The following TBX21 variants were observed in gnomAD, a reference collection of about 807,000 sequenced individuals.
TBX21 encodes T-box transcription factor TBX21.
Under a neutral mutation model 52.2 loss-of-function variants are expected in TBX21, and 11 were observed. The observed-to-expected ratio is 0.21, with a 90% CI of 0.13 to 0.35. The LOEUF is 0.35. TBX21 is among the 10% of genes least tolerant of loss of function. The pLI, the probability that TBX21 is intolerant of heterozygous loss-of-function variation, is 1.00. For synonymous variants in TBX21, 300 were observed against 316.1 expected (o/e 0.95, Z 0.54); for missense variants, 625 against 755.1 (o/e 0.83, Z 2.02).
intron 3 of TBX21, among the ~76,000 whole-genome samples, chr17:47,743,879 C>CA (rs772309900): frequency 0.073 from 4,471 of 61,574 alleles, 110 homozygotes; most frequent in Admixed American, 0.16. Context: ...GACTCCGTCT[C>CA]AAAAAAAAAA....
intron 1 of TBX21, among the ~76,000 whole-genome samples, chr17:47,738,975 C>T (rs568959546): frequency 6.6e-6 from 1 of 152,298 alleles, no homozygotes; most frequent in Admixed American, 6.5e-5. Flanking sequence ...TTAATTTGCA[C>T]TTAATTACAG....
rs1297045032 is a variant in TBX21 at position 47,745,073 on chromosome 17, C to T, written c.1315C>T (p.Pro439Ser). The T allele has an allele frequency of 1.2e-6, 2 of 1,613,474 alleles. No individual in the cohort carries two copies. The highest frequency in any genetic ancestry group is 1.7e-5 in the Admixed American group (1 of 60,034). Residue 439 changes from proline to serine, a missense_variant, in exon 6 of 6, where the codon CCT (proline) becomes TCT (serine). Coordinates refer to ENST00000177694, the MANE Select transcript of TBX21 (RefSeq NM_013351.2). The stretch of plus-strand genomic sequence containing the variant: ...TGGCTGGCCTGTGGCACCCCAGTAC[C>T]CTCCCAAGATGGGCCCGGCCAGCTG... ...GAGWPVAPQY[P>S]PKMGPASWFR...
intron 1 of TBX21, among the ~76,000 whole-genome samples, chr17:47,738,655 C>T (rs2032234781): frequency 1.3e-5 from 2 of 151,546 alleles, no homozygotes; most frequent in South Asian, 4.2e-4. Context: ...GGCTGAAGTG[C>T]AGTGGCATGA....
chr17:47,735,018 C>T (rs886896314), intron 1 of TBX21, among the ~76,000 whole-genome samples: 17 of 151,972 alleles, frequency 1.1e-4, no homozygotes, highest in Non-Finnish European at 2.2e-4. Flanking sequence ...GTGGGCTGTG[C>T]GCACCCACCC....
In TBX21 at chr17:47,733,470, C is replaced by T; in HGVS notation, c.16C>T (p.Pro6Ser). 1 of 1,489,476 alleles carries T rather than the reference C, an allele frequency of 6.7e-7. No homozygotes were observed. The allele number at this position is 1,489,476 out of a possible 1,614,324, so 92.3% of individuals were successfully genotyped here. A position where few individuals can be genotyped will look rare whatever the true frequency, so the allele number is the denominator to read the frequency against. ...CCCGCCCCGGATGGGCATCGTGGAGCCGGGTTGCGGAGACATGCTGACGGG... is the reference window on the plus strand; with the variant it reads ...CCCGCCCCGGATGGGCATCGTGGAGTCGGGTTGCGGAGACATGCTGACGGG... MGIVEPGCGDMLTGTE... is the reference protein window; with the variant it reads MGIVESGCGDMLTGTE... The change falls in exon 1 of 6, where the codon CCG becomes TCG. Residue 6 changes from proline to serine, a missense_variant. Physicochemically the swap from Pro to Ser is moderately conservative, Grantham distance 74. Coordinates refer to ENST00000177694, the MANE Select transcript of TBX21 (RefSeq NM_013351.2). The surrounding 1 kb of genome is among the most constrained non-coding windows in gnomAD (Gnocchi z 6.6).
At chr17:47,744,438 C>T (rs780751276) in intron 4 of TBX21, 44 bp from the exon 5 acceptor site, 1 of 1,613,620 alleles carries the variant, frequency 6.2e-7, no homozygotes, top group Admixed American at 1.7e-5. Context: ...AGTTCCCGAG[C>T]CCCAGACTCA....
Position 47,738,810 on chromosome 17 carries a change from A to G in TBX21, c.492-3800A>G, listed in dbSNP as rs544546358. Among the ~76,000 whole-genome samples the G allele has an allele frequency of 1.3e-3, 205 of 152,250 alleles. 2 individuals are homozygous for G. Among genetic ancestry groups the G allele is most frequent in the African/African-American group, 4.7e-3 (194 of 41,542 alleles). ...GAGATGGGGTTTCACCATGTTACCC[A>G]GGCTGGTCTCAAACTCCTGACCTCA... On this transcript the variant is annotated intron_variant, in intron 1 of 5. Coordinates refer to ENST00000177694, the MANE Select transcript of TBX21 (RefSeq NM_013351.2).
chr17:47,745,420 G>A lies in TBX21; in HGVS notation c.*54G>A. 5.3e-6 allele frequency: 8 copies of A among 1,523,752 alleles called. No homozygotes were observed. Among genetic ancestry groups the A allele is most frequent in the South Asian group, 2.6e-5 (2 of 76,236 alleles). 94.4% of individuals were successfully genotyped at this position (1,523,752 alleles called of 1,614,324 possible). ...CAGTGTTATTAGGTTGGAGGACACC[G>A]ACTAATTTGGGAAACGGATGAAGGA... is the stretch of plus-strand genomic sequence containing the variant. On this transcript the variant is annotated 3_prime_UTR_variant, in exon 6 of 6. Transcript: ENST00000177694.
Position 47,733,403 on chromosome 17 carries a change from G to A in TBX21, c.-52G>A. 1.4e-6 allele frequency: 2 copies of A among 1,429,884 alleles called. No homozygotes were observed. Among genetic ancestry groups the A allele is most frequent in the Non-Finnish European group, 1.8e-6 (2 of 1,098,570 alleles). 88.6% of individuals were successfully genotyped at this position (1,429,884 alleles called of 1,614,324 possible). ...ATCCCAGCCCACGCGACCCTCTCGC[G>A]CGCGGAGGGGCGGGTCCTCGACGGC... On this transcript the variant is annotated 5_prime_UTR_variant, in exon 1 of 6. Coordinates refer to ENST00000177694, the MANE Select transcript of TBX21 (RefSeq NM_013351.2). This position sits in a 1 kb window ranked among gnomAD's most constrained non-coding sequence, Gnocchi z 6.6.
chr17:47,745,610 C>T lies in TBX21; in HGVS notation c.*244C>T. On this transcript the variant is annotated 3_prime_UTR_variant, in exon 6 of 6. Coordinates refer to ENST00000177694, the MANE Select transcript of TBX21 (RefSeq NM_013351.2). ...CTCTGCCCTAACTACAGTCGTTTACCTGGTGCTGCGTCTTGCTTTTGGTTT... is the reference window on the plus strand; with the variant it reads ...CTCTGCCCTAACTACAGTCGTTTACTTGGTGCTGCGTCTTGCTTTTGGTTT... The T allele has an allele frequency of 4.3e-6, 2 of 460,074 alleles. No individual in the cohort carries two copies. Among genetic ancestry groups the T allele is most frequent in the Non-Finnish European group, 7.5e-6 (2 of 266,204 alleles). The allele number at this position is 460,074 out of a possible 1,614,324, so 28.5% of individuals were successfully genotyped here.
chr17:47,743,889 A>AAAAAAAAG (rs1368502369), intron 3 of TBX21, among the ~76,000 whole-genome samples: 2 of 150,304 alleles, frequency 1.3e-5, no homozygotes, highest in Non-Finnish European at 3.0e-5. Flanking sequence ...CAAAAAAAAA[A>AAAAAAAAG]AAAAAAGAAA....
rs760592744 is a variant in TBX21 at position 47,744,276 on chromosome 17, T to A, written c.850T>A (p.Cys284Ser). The change falls in exon 4 of 6, where the codon TGC becomes AGC. Residue 284 changes from cysteine to serine, a missense_variant. This residue lies in a region of TBX21 where 142 missense variants were observed against 258.5 expected (regional missense o/e 0.55). Transcript: ENST00000177694. Reference sequence around the variant, plus strand: ...GAACGACGGAGAGCCAGAGGCAGCCTGCAACGCTTCCAACACGCATATCTT... The same window carrying A: ...GAACGACGGAGAGCCAGAGGCAGCCAGCAACGCTTCCAACACGCATATCTT... ...EVNDGEPEAA[C>S]NASNTHIFTF... 6.2e-7 allele frequency: 1 copy of A among 1,614,214 alleles called. No homozygotes were observed. Among genetic ancestry groups the A allele is most frequent in the South Asian group, 1.1e-5 (1 of 91,082 alleles).
chr17:47,743,172 G>A lies in TBX21; in HGVS notation c.748G>A (p.Ala250Thr), dbSNP rs1459576111. 6.2e-7 allele frequency: 1 copy of A among 1,614,186 alleles called. No homozygotes were observed. Among genetic ancestry groups the A allele is most frequent in the Admixed American group, 1.7e-5 (1 of 60,026 alleles). The change falls in exon 3 of 6, where the codon GCG becomes ACG. Residue 250 changes from alanine (A) to threonine (T), a missense_variant. This residue lies in a region of TBX21 where 142 missense variants were observed against 258.5 expected (regional missense o/e 0.55). Transcript: ENST00000177694. ...ACTAAAGCTCACAAACAACAAGGGG[G>A]CGTCCAACAATGTGACCCAGGTAGG... ...GKLKLTNNKGASNNVTQMIVL... is the reference protein window; with the variant it reads ...GKLKLTNNKGTSNNVTQMIVL...
At chr17:47,735,256 C>T (rs979983955) in intron 1 of TBX21, among the ~76,000 whole-genome samples, 8 of 152,122 alleles carry the variant, frequency 5.3e-5, no homozygotes, top group African/African-American at 1.9e-4. Flanking sequence ...TGTGGGGTAG[C>T]CTGGGACTGG....
rs150328272 is a variant in TBX21, at chr17:47,744,783, C to G, written c.1025C>G (p.Pro342Arg). 2 of 1,614,058 alleles carry G rather than the reference C, an allele frequency of 1.2e-6. No homozygotes were observed. Among genetic ancestry groups the G allele is most frequent in the East Asian group, 2.2e-5 (1 of 44,870 alleles). Reference sequence around the variant, plus strand: ...TCTGTTGACACCAGCATCCCCTCCCCGCCTGGACCCAACTGTCAATTCCTT... The same window carrying G: ...TCTGTTGACACCAGCATCCCCTCCCGGCCTGGACCCAACTGTCAATTCCTT... Reference protein sequence around the residue: ...YTSVDTSIPSPPGPNCQFLGG... With the variant: ...YTSVDTSIPSRPGPNCQFLGG... The change falls in exon 6 of 6, where the codon CCG becomes CGG. Residue 342 changes from proline (P) to arginine (R), a missense_variant. By Grantham distance (103) the Pro-to-Arg change is moderately radical (BLOSUM62 -2). This residue lies in a region of TBX21 where 261 missense variants were observed against 275.1 expected (regional missense o/e 0.95). Transcript: ENST00000177694.
rs369295345 is a variant in TBX21, at chr17:47,743,174, G to A, written c.750G>A (p.Ala250=). 1.1e-4 allele frequency: 183 copies of A among 1,614,028 alleles called. No individual in the cohort carries two copies. Among genetic ancestry groups the A allele is most frequent in the Non-Finnish European group, 1.4e-4 (168 of 1,180,020 alleles). The change falls in exon 3 of 6, where the codon GCG becomes GCA. Residue 250 remains alanine (A), a synonymous_variant. Coordinates refer to ENST00000177694, the MANE Select transcript of TBX21 (RefSeq NM_013351.2). ...GKLKLTNNKG[A]SNNVTQMIVL... is the part of the protein sequence containing the mutation. ...TAAAGCTCACAAACAACAAGGGGGC[G>A]TCCAACAATGTGACCCAGGTAGGAC...
Position 47,745,615 on chromosome 17 carries a change from G to A in TBX21, c.*249G>A, listed in dbSNP as rs187034504. The A allele has an allele frequency of 3.0e-5, 13 of 430,948 alleles. No individual in the cohort carries two copies. The Admixed American group carries it at 4.1e-4, about 13-fold the overall frequency. 26.7% of individuals were successfully genotyped at this position (430,948 alleles called of 1,614,324 possible). On this transcript the variant is annotated 3_prime_UTR_variant, in exon 6 of 6. Coordinates refer to ENST00000177694, the MANE Select transcript of TBX21 (RefSeq NM_013351.2). ...CCCTAACTACAGTCGTTTACCTGGTGCTGCGTCTTGCTTTTGGTTTCCAGC... is the reference window on the plus strand; with the variant it reads ...CCCTAACTACAGTCGTTTACCTGGTACTGCGTCTTGCTTTTGGTTTCCAGC...
At chr17:47,740,134 C>T (rs1009307151) in intron 1 of TBX21, among the ~76,000 whole-genome samples, 2 of 151,374 alleles carry the variant, frequency 1.3e-5, no homozygotes, top group African/African-American at 4.9e-5. Flanking sequence ...GGCGCCATCT[C>T]GGGTCACCGC....
rs2032277086 is a variant in TBX21, at chr17:47,742,483, C to T, written c.492-127C>T. The T allele has an allele frequency of 6.9e-6, 8 of 1,164,948 alleles. No homozygotes were observed. The highest frequency in any genetic ancestry group is 9.4e-6 in the Non-Finnish European group (8 of 850,188). The allele number at this position is 1,164,948 out of a possible 1,614,324, so 72.2% of individuals were successfully genotyped here. Reference sequence around the variant, plus strand: ...GCTGGCAAACTCCCTAAACACCTTCCAGCTGGTTCTTGTGAGTGGGAGGAA... The same window carrying T: ...GCTGGCAAACTCCCTAAACACCTTCTAGCTGGTTCTTGTGAGTGGGAGGAA... On this transcript the variant is annotated intron_variant, in intron 1 of 5. Coordinates refer to ENST00000177694, the MANE Select transcript of TBX21 (RefSeq NM_013351.2). This position sits in a 1 kb window ranked among gnomAD's most constrained non-coding sequence, Gnocchi z 4.4.
Sources: allele counts gnomAD v4.1 joint callset (sites outside exome capture counted in the v4.1 genomes callset), GRCh38; gene constraint gnomAD v4.1.1; regional missense constraint gnomAD v4.1.1; non-coding constraint Gnocchi (gnomAD v3.1); transcripts MANE v1.5; gene names NCBI Gene and HGNC (gene_info 2026-07-23, HGNC 2026-07-21).